The following IARS2 variants were observed in gnomAD, a reference collection of about 807,000 sequenced individuals.
IARS2 encodes the protein isoleucyl-tRNA synthetase 2, mitochondrial.
Under a neutral mutation model 126.3 loss-of-function variants are expected in IARS2, and 56 were observed. That is an observed-to-expected ratio of 0.44 (90% CI 0.36 to 0.55). The LOEUF is 0.55. Ranked by LOEUF, IARS2 falls within the 20% of genes least tolerant of loss-of-function variation. The pLI is 0.00. For synonymous variants in IARS2, 407 were observed against 441.1 expected (o/e 0.92, Z 0.97); for missense variants, 1,127 against 1,245.9 (o/e 0.90, Z 1.44).
rs1156872442 is a variant in IARS2 at position 220,112,421 on chromosome 1, A to C, written c.1479+1484A>C. Among the ~76,000 whole-genome samples, 2 of 151,160 alleles carry C rather than the reference A, an allele frequency of 1.3e-5. 1 individual carries two copies. Among genetic ancestry groups the C allele is most frequent in the African/African-American group, 4.9e-5 (2 of 41,006 alleles). ...AGTGCTGGGATTACAGGCGTGAGCCACCGCGCCCGGCCCGACCACCTACTT... is the reference window on the plus strand; with the variant it reads ...AGTGCTGGGATTACAGGCGTGAGCCCCCGCGCCCGGCCCGACCACCTACTT... On this transcript the variant is annotated intron_variant, in intron 11 of 22. Transcript: ENST00000366922.
chr1:220,126,018 A>G (rs1164226290), intron 13 of IARS2, among the ~76,000 whole-genome samples: 5 of 151,652 alleles, frequency 3.3e-5, no homozygotes, highest in Non-Finnish European at 5.9e-5. Flanking sequence ...GAGGCAGGAG[A>G]ATGGCCTGAA....
At chr1:220,117,979 C>T (rs753598170) in intron 12 of IARS2, 2 of 469,692 alleles carry the variant, frequency 4.3e-6, no homozygotes, top group Non-Finnish European at 8.9e-6. Context: ...AATCCTCTTC[C>T]ATTATTGGAT....
Position 220,096,231 on chromosome 1 carries a change from CTATAATT to C in IARS2, c.390+8_390+14del. The C allele has an allele frequency of 6.4e-7, 1 of 1,556,582 alleles. No homozygotes were observed. Among genetic ancestry groups the C allele is most frequent in the Non-Finnish European group, 8.7e-7 (1 of 1,152,702 alleles). ...GTTGGACATGCTTTAAATAAGGTAA[CTATAATT>C]TAGGTTATGACACTTGAAAGAAAGT... is the stretch of plus-strand genomic sequence containing the variant. On this transcript the variant is annotated splice_donor_region_variant and intron_variant, in intron 2 of 22. Coordinates refer to ENST00000366922, the MANE Select transcript of IARS2 (RefSeq NM_018060.4).
chr1:220,138,109 G>C, intron 17 of IARS2, 66 bp downstream of exon 17: 1 of 1,540,132 alleles, frequency 6.5e-7, no homozygotes, highest in Non-Finnish European at 8.9e-7. Context: ...TAAAAAATGA[G>C]ACACATTTTG....
intron 20 of IARS2, 95 bp downstream of exon 20, chr1:220,142,043 A>G: frequency 8.5e-7 from 1 of 1,174,156 alleles, no homozygotes; most frequent in Non-Finnish European, 1.2e-6. Context: ...GCACTTATCC[A>G]TTTACAGTGA....
chr1:220,111,677 G>A (rs1656807213), intron 11 of IARS2, among the ~76,000 whole-genome samples: 1 of 150,932 alleles, frequency 6.6e-6, no homozygotes, highest in African/African-American at 2.4e-5. Flanking sequence ...AAATATATAT[G>A]TGTTAACCAG....
At position 220,140,962 on chromosome 1, in the gene IARS2, C is replaced by T. The variant is rs561443741; in HGVS notation, c.2414+673C>T. Among the ~76,000 whole-genome samples the T allele has an allele frequency of 3.7e-4, 49 of 132,370 alleles. 1 individual carries two copies. In the South Asian group the frequency reaches 4.6e-3, roughly 12 times the overall value. The allele number at this position is 132,370 out of a possible 152,430, so 86.8% of individuals were successfully genotyped here. On this transcript the variant is annotated intron_variant, in intron 19 of 22. Transcript: ENST00000366922. ...TCGTGACACTGCACTTCAGCCTGGG[C>T]GACAGAGCAAGACTCCGTCTCAAAA... is the stretch of plus-strand genomic sequence containing the variant.
intron 15 of IARS2, among the ~76,000 whole-genome samples, chr1:220,136,305 T>G (rs1010920617): frequency 6.6e-6 from 1 of 152,148 alleles, no homozygotes; most frequent in Non-Finnish European, 1.5e-5. Context: ...CTAATTTTTG[T>G]ATTTTTAGTG....
At chr1:220,138,258 G>A (rs1283818061) in intron 17 of IARS2, among the ~76,000 whole-genome samples, 3 of 152,214 alleles carry the variant, frequency 2.0e-5, no homozygotes, top group Admixed American at 2.0e-4. Context: ...GGATCACGAG[G>A]TCAGGAGTTC....
chr1:220,097,353 C>T (rs1265093865), intron 2 of IARS2, among the ~76,000 whole-genome samples: 1 of 148,360 alleles, frequency 6.7e-6, no homozygotes. Flanking sequence ...TCTTTCCCAA[C>T]AGTTCTTTTT....
Position 220,134,469 on chromosome 1 carries a change from CT to C in IARS2, c.1907del (p.Leu636TyrfsTer2). Reference sequence around the variant, plus strand: ...AGCTCGGGGGTTGGTTTCAGTCATCCTTATTAACAAGTGTGGCAGCAAGGAA... The same window carrying C: ...AGCTCGGGGGTTGGTTTCAGTCATCCTATTAACAAGTGTGGCAGCAAGGAA... ...DQLGGWFQSS[L>X]LTSVAARKRA... On this transcript the variant is annotated frameshift_variant, in exon 15 of 23. Coordinates refer to ENST00000366922, the MANE Select transcript of IARS2 (RefSeq NM_018060.4). LOFTEE classifies it high-confidence loss of function. The C allele has an allele frequency of 6.2e-7, 1 of 1,613,208 alleles. No homozygotes were observed. The highest frequency in any genetic ancestry group is 8.5e-7 in the Non-Finnish European group (1 of 1,179,686).
At chr1:220,132,906 C>T (rs1657298716) in intron 14 of IARS2, among the ~76,000 whole-genome samples, 3 of 152,144 alleles carry the variant, frequency 2.0e-5, no homozygotes. Context: ...GATTTGTTTT[C>T]ACTGCATATG....
intron 1 of IARS2, among the ~76,000 whole-genome samples, chr1:220,095,558 C>T (rs1227061753): frequency 1.3e-5 from 2 of 152,150 alleles, no homozygotes; most frequent in Non-Finnish European, 2.9e-5. Context: ...TTAATCTTCA[C>T]ACCAGCCCTG....
rs1657388421 is a variant in IARS2, at chr1:220,136,889, ATGT to A, written c.2031_2033del (p.Val679del). ...TCTCTTGGGAATGTCATTCATCCTG[ATGT>A]TGTCGTTAATGGAGGACAAGTAGGT... is the stretch of plus-strand genomic sequence containing the variant. On this transcript the variant is annotated inframe_deletion, in exon 16 of 23. Coordinates refer to ENST00000366922, the MANE Select transcript of IARS2 (RefSeq NM_018060.4). 6.2e-7 allele frequency: 1 copy of A among 1,607,592 alleles called. No homozygotes were observed. The highest frequency in any genetic ancestry group is 8.5e-7 in the Non-Finnish European group (1 of 1,175,006).
At chr1:220,122,556 AGCCCTGGTTTTAACTGTTACTT>A (rs1657071150) in intron 12 of IARS2, among the ~76,000 whole-genome samples, 1 of 152,230 alleles carries the variant, frequency 6.6e-6, no homozygotes, top group Non-Finnish European at 1.5e-5. Context: ...CACAAATTCA[AGCCCTGGTTTTAACTGTTACTT>A]GCTTAGCTTC....
chr1:220,100,578 T>G lies in IARS2; in HGVS notation c.479T>G (p.Ile160Ser), dbSNP rs149036509. 1 of 1,613,346 alleles carries G rather than the reference T, an allele frequency of 6.2e-7. No homozygotes were observed. The highest frequency in any genetic ancestry group is 1.1e-5 in the South Asian group (1 of 91,018). The change falls in exon 3 of 23, where the codon ATT becomes AGT. Residue 160 changes from isoleucine to serine, a missense_variant. By Grantham distance (142) the Ile-to-Ser change is moderately radical. Coordinates refer to ENST00000366922, the MANE Select transcript of IARS2 (RefSeq NM_018060.4). Reference protein sequence around the residue: ...VPGWDCHGLPIEIKVLSELGR... With the variant: ...VPGWDCHGLPSEIKVLSELGR... ...GGCTGGGATTGTCATGGGTTGCCCA[T>G]TGAAATAAAAGTATTATCAGAACTT...
intron 14 of IARS2, among the ~76,000 whole-genome samples, chr1:220,132,834 C>T (rs940448984): frequency 2.6e-5 from 4 of 151,972 alleles, no homozygotes; most frequent in Non-Finnish European, 5.9e-5. Flanking sequence ...CCCCATGTCT[C>T]CTTTTTCATT....
chr1:220,099,658 A>G (rs1656531392), intron 2 of IARS2, among the ~76,000 whole-genome samples: 1 of 152,192 alleles, frequency 6.6e-6, no homozygotes, highest in Admixed American at 6.5e-5. Flanking sequence ...CATGGAGTTT[A>G]TGTTTTACAG....
intron 12 of IARS2, among the ~76,000 whole-genome samples, chr1:220,118,575 A>G (rs1481394662): frequency 6.6e-6 from 1 of 152,136 alleles, no homozygotes; most frequent in East Asian, 1.9e-4. Context: ...AAAAAAGATA[A>G]AATGTAGAAA....
Sources: allele counts gnomAD v4.1 joint callset (sites outside exome capture counted in the v4.1 genomes callset), GRCh38; gene constraint gnomAD v4.1.1; transcripts MANE v1.5; gene names NCBI Gene and HGNC (gene_info 2026-07-23, HGNC 2026-07-21).